The following SLCO1C1 variants were observed in gnomAD, a reference collection of about 807,000 sequenced individuals.
SLCO1C1 encodes the protein solute carrier organic anion transporter family member 1C1.
Under a neutral mutation model 76.4 loss-of-function variants are expected in SLCO1C1, and 70 were observed. The observed-to-expected ratio is 0.92, with a 90% CI of 0.76 to 1.12. SLCO1C1 has a LOEUF of 1.12. Among genes scored for constraint, SLCO1C1 ranks in the 50% most tolerant of loss-of-function variants. The pLI is 0.00. For missense variants in SLCO1C1, 912 were observed against 823.8 expected (o/e 1.11, Z -1.31); for synonymous variants, 306 against 286.1 (o/e 1.07, Z -0.70).
chr12:20,717,057 T>C, intron 6 of SLCO1C1, 75 bp from the exon 7 acceptor site: 1 of 1,311,782 alleles, frequency 7.6e-7, no homozygotes, highest in East Asian at 2.4e-5. Context: ...ACACATTTCT[T>C]GTTTAAAATT....
intron 9 of SLCO1C1, among the ~76,000 whole-genome samples, chr12:20,725,766 C>T (rs1275746282): frequency 6.6e-6 from 1 of 151,402 alleles, no homozygotes; most frequent in South Asian, 2.1e-4. Flanking sequence ...CTATTAGAAA[C>T]GTAAGAGCAT....
intron 4 of SLCO1C1, among the ~76,000 whole-genome samples, chr12:20,708,118 G>A (rs930205056): frequency 2.0e-5 from 3 of 151,954 alleles, no homozygotes; most frequent in African/African-American, 7.3e-5. Context: ...TAACTAATTG[G>A]GTACTTATCC....
rs374689276 is a variant in SLCO1C1 at position 20,701,494 on chromosome 12, C to T, written c.271+35C>T. On this transcript the variant is annotated intron_variant, in intron 3 of 14. Coordinates refer to ENST00000266509, the MANE Select transcript of SLCO1C1 (RefSeq NM_017435.5). ...ACAGATGCCTGACTTTAATTTTAAGCCCAAGATCTTCTAGGTGTGGCTAAA... is the reference window on the plus strand; with the variant it reads ...ACAGATGCCTGACTTTAATTTTAAGTCCAAGATCTTCTAGGTGTGGCTAAA... The T allele has an allele frequency of 5.1e-5, 73 of 1,421,278 alleles. 1 individual carries two copies. Among genetic ancestry groups the T allele is most frequent in the Non-Finnish European group, 6.7e-5 (71 of 1,067,048 alleles). The allele number at this position is 1,421,278 out of a possible 1,614,324, so 88.0% of individuals were successfully genotyped here.
chr12:20,706,035 G>T lies in SLCO1C1; in HGVS notation c.358G>T (p.Gly120Ter). ...AATTGGAGCAGGGTGTGTAATCATG[G>T]GAGTTGGAACACTGCTCATTGCAAT... is the stretch of plus-strand genomic sequence containing the variant. Reference protein sequence around the residue: ...KIIGAGCVIMGVGTLLIAMPQ... With the variant: ...KIIGAGCVIM Residue 120 changes from glycine to a stop codon, truncating the protein, a stop_gained, in exon 4 of 15, where the codon GGA (glycine) becomes TGA (stop). Coordinates refer to ENST00000266509, the MANE Select transcript of SLCO1C1 (RefSeq NM_017435.5). LOFTEE classifies it high-confidence loss of function. The T allele has an allele frequency of 6.2e-7, 1 of 1,613,198 alleles. No individual in the cohort carries two copies. Among genetic ancestry groups the T allele is most frequent in the Non-Finnish European group, 8.5e-7 (1 of 1,179,412 alleles).
intron 1 of SLCO1C1, 59 bp from the exon 2 acceptor site, chr12:20,699,493 A>C: frequency 7.2e-7 from 1 of 1,380,858 alleles, no homozygotes; most frequent in Non-Finnish European, 9.6e-7. Context: ...GTTGAATAAA[A>C]AAATTTAATA....
At chr12:20,741,057 C>T (rs893439480) in intron 12 of SLCO1C1, among the ~76,000 whole-genome samples, 5 of 151,844 alleles carry the variant, frequency 3.3e-5, no homozygotes, top group Non-Finnish European at 7.4e-5. Flanking sequence ...AGGAAACAAA[C>T]AAGTCCTTCC....
intron 9 of SLCO1C1, among the ~76,000 whole-genome samples, chr12:20,725,278 A>G (rs1947918961): frequency 7.1e-6 from 1 of 141,842 alleles, no homozygotes; most frequent in Non-Finnish European, 1.5e-5. Flanking sequence ...TTAATATAAT[A>G]TATATTATAT....
At chr12:20,701,239 ATT>A in intron 2 of SLCO1C1, 77 bp from the exon 3 acceptor site, 1 of 1,294,626 alleles carries the variant, frequency 7.7e-7, no homozygotes, top group Non-Finnish European at 1.0e-6. Context: ...TTTGTTTTGT[ATT>A]TGTTTGTCTA....
chr12:20,712,076 T>A (rs541253446), intron 5 of SLCO1C1, among the ~76,000 whole-genome samples: 1 of 152,204 alleles, frequency 6.6e-6, no homozygotes, highest in African/African-American at 2.4e-5. Context: ...TGTTTGGTCA[T>A]ACTTGTCAGC....
rs1565554033 is a variant in SLCO1C1, at chr12:20,752,261, G to C, written c.1917-45G>C. The C allele has an allele frequency of 5.4e-6, 7 of 1,301,256 alleles. No individual in the cohort carries two copies. The East Asian group carries it at 1.4e-4, about 26-fold the overall frequency. The allele number at this position is 1,301,256 out of a possible 1,614,324, so 80.6% of individuals were successfully genotyped here. ...TATTACCTTTTAAATTTTCTTTCAA[G>C]TTGGTTGTTGCATTAATTATAACAG... On this transcript the variant is annotated intron_variant, in intron 14 of 14. Transcript: ENST00000266509.
At position 20,752,753 on chromosome 12, in the gene SLCO1C1, T is replaced by G; in HGVS notation, c.*225T>G. 1 of 331,682 alleles carries G rather than the reference T, an allele frequency of 3.0e-6. No individual in the cohort carries two copies. Among genetic ancestry groups the G allele is most frequent in the Non-Finnish European group, 5.4e-6 (1 of 185,986 alleles). 20.5% of individuals were successfully genotyped at this position (331,682 alleles called of 1,614,324 possible). Reference sequence around the variant, plus strand: ...TGAACTTTTTAATTTATATAAATTATTTTATATCACTTACTTATTTCACTT... The same window carrying G: ...TGAACTTTTTAATTTATATAAATTAGTTTATATCACTTACTTATTTCACTT... On this transcript the variant is annotated 3_prime_UTR_variant, in exon 15 of 15. Transcript: ENST00000266509.
At chr12:20,711,766 G>C (rs1947116918) in intron 5 of SLCO1C1, among the ~76,000 whole-genome samples, 1 of 152,156 alleles carries the variant, frequency 6.6e-6, no homozygotes, top group African/African-American at 2.4e-5. Flanking sequence ...CAAAGCTTCT[G>C]AATAAGTGGG....
chr12:20,745,111 G>C (rs1221105887), intron 13 of SLCO1C1, among the ~76,000 whole-genome samples: 7 of 152,082 alleles, frequency 4.6e-5, no homozygotes, highest in African/African-American at 1.7e-4. Context: ...AACAATGGAA[G>C]CATCAACTAA....
At position 20,711,468 on chromosome 12, in the gene SLCO1C1, C is replaced by G. The variant is rs1326978567; in HGVS notation, c.487C>G (p.Pro163Ala). ...TCTCCTAGAGTCAAGCAGTCAATTACCAGTTTCAGTTATGGAAAAATCAAA... is the reference window on the plus strand; with the variant it reads ...TCTCCTAGAGTCAAGCAGTCAATTAGCAGTTTCAGTTATGGAAAAATCAAA... ...PCLLESSSQL[P>A]VSVMEKSKSK... is the part of the protein sequence containing the mutation. The change falls in exon 5 of 15, where the codon CCA becomes GCA. Residue 163 changes from proline to alanine, a missense_variant. By Grantham distance (27) the Pro-to-Ala change is conservative (BLOSUM62 -1). Transcript: ENST00000266509. 6.2e-7 allele frequency: 1 copy of G among 1,613,892 alleles called. No individual in the cohort carries two copies. The highest frequency in any genetic ancestry group is 8.5e-7 in the Non-Finnish European group (1 of 1,179,916).
intron 11 of SLCO1C1, among the ~76,000 whole-genome samples, chr12:20,739,602 T>G (rs907515043): frequency 6.6e-6 from 1 of 152,134 alleles, no homozygotes; most frequent in African/African-American, 2.4e-5. Flanking sequence ...AAGGGTCATG[T>G]GTGTGGCTTA....
intron 7 of SLCO1C1, among the ~76,000 whole-genome samples, chr12:20,719,767 G>C (rs1490334993): frequency 6.6e-6 from 1 of 152,212 alleles, no homozygotes; most frequent in South Asian, 2.1e-4. Flanking sequence ...TTTTAGGAAA[G>C]AAGCTGTCTC....
intron 6 of SLCO1C1, 120 bp from the exon 7 acceptor site, chr12:20,717,012 A>G (rs939000508): frequency 2.5e-6 from 2 of 802,820 alleles, no homozygotes; most frequent in African/African-American, 1.8e-5. Flanking sequence ...AACACATGCA[A>G]ATGAGTTAAA....
At chr12:20,742,730 C>A (rs1020320957) in intron 12 of SLCO1C1, among the ~76,000 whole-genome samples, 4 of 147,122 alleles carry the variant, frequency 2.7e-5, no homozygotes, top group Admixed American at 2.0e-4. Flanking sequence ...TTAGTAGAGA[C>A]GGGGTTTCAC....
intron 13 of SLCO1C1, among the ~76,000 whole-genome samples, chr12:20,745,832 A>G (rs11045433): frequency 0.023 from 3,539 of 152,048 alleles, 111 homozygotes; most frequent in East Asian, 0.094. Flanking sequence ...CTAATAAAAA[A>G]AGAAAAAAAA....
Sources: gnomAD v4.1 joint callset for allele counts (sites outside exome capture counted in the v4.1 genomes callset) on GRCh38, gnomAD v4.1.1 for gene constraint, MANE v1.5 for transcripts, NCBI Gene and HGNC (gene_info 2026-07-23, HGNC 2026-07-21) for gene names.